FGF13: variants seen among roughly 807,000 people sequenced by gnomAD.
FGF13 encodes the protein fibroblast growth factor homologous factor 2.
In FGF13, 2 loss-of-function variants were observed where a neutral mutation model predicts 19.5. The ratio of observed to expected loss-of-function variants is 0.10; its 90% confidence interval spans 0.04 to 0.32. The LOEUF is 0.32. FGF13 is among the 10% of genes least tolerant of loss of function. The pLI, the probability that FGF13 is intolerant of heterozygous loss-of-function variation, is 1.00. For missense variants in FGF13, 113 were observed against 192.7 expected, an observed-to-expected ratio of 0.59 and a Z score of 2.45; for synonymous variants, 72 against 76.9, an observed-to-expected ratio of 0.94 and a Z score of 0.33.
intron 1 of FGF13, among the ~76,000 whole-genome samples, chrX:139,120,616 C>A (rs182763631): frequency 8.9e-6 from 1 of 112,238 alleles, no homozygotes; most frequent in Admixed American, 9.4e-5. Flanking sequence ...CATTATTAAA[C>A]CACCCACCAG....
At chrX:138,784,012 G>C (rs1163081987) in intron 3 of FGF13, among the ~76,000 whole-genome samples, 1 of 100,161 alleles carries the variant, frequency 1.0e-5, no homozygotes, top group African/African-American at 3.6e-5. Flanking sequence ...CATGTCCTTT[G>C]TAGGGACATG....
intron 1 of FGF13, among the ~76,000 whole-genome samples, chrX:139,012,168 C>T (rs2092131802): frequency 9.0e-6 from 1 of 111,601 alleles, no homozygotes; most frequent in African/African-American, 3.3e-5. Context: ...AGAAAAACTA[C>T]AAAATACTGC....
At chrX:139,107,892 A>G (rs1384994301) in intron 1 of FGF13, among the ~76,000 whole-genome samples, 1 of 107,213 alleles carries the variant, frequency 9.3e-6, no homozygotes, top group African/African-American at 3.4e-5. Flanking sequence ...GTAAAAAAAG[A>G]AAAAAAAAAT....
intron 1 of FGF13, among the ~76,000 whole-genome samples, chrX:139,013,634 G>T (rs939353547): frequency 1.9e-5 from 2 of 106,139 alleles, no homozygotes; most frequent in Non-Finnish European, 3.9e-5. Flanking sequence ...ACTCAGAAAT[G>T]GAAAACCAAA....
At chrX:138,647,922 C>T (rs1204382586) in intron 3 of FGF13, among the ~76,000 whole-genome samples, 1 of 112,113 alleles carries the variant, frequency 8.9e-6, no homozygotes, top group Non-Finnish European at 1.9e-5. Context: ...TAAATTATCC[C>T]TGCAGGGAGC....
intron 1 of FGF13, among the ~76,000 whole-genome samples, chrX:139,124,553 C>T (rs1443492634): frequency 9.0e-6 from 1 of 111,612 alleles, no homozygotes; most frequent in Non-Finnish European, 1.9e-5. Context: ...CTTCTCTCCA[C>T]ATGTGGGCTG....
chrX:138,616,244 C>T lies in FGF13; in HGVS notation c.*16606G>A, dbSNP rs1274336872. 8.9e-6 allele frequency: 1 copy of T among 112,426 alleles called. No homozygotes were observed. Among genetic ancestry groups the T allele is most frequent in the Admixed American group, 9.4e-5 (1 of 10,631 alleles). 9.3% of individuals were successfully genotyped at this position (112,426 alleles called of 1,213,427 possible). ...AAATCTAAAGCAAGTTAGTTATTTC[C>T]AAGATACAATGGGGGTACAGGAATT... On this transcript the variant is annotated 3_prime_UTR_variant, in exon 5 of 5. Transcript: ENST00000315930.
chrX:138,646,880 A>G (rs946966076), intron 3 of FGF13, among the ~76,000 whole-genome samples: 2 of 111,836 alleles, frequency 1.8e-5, no homozygotes, highest in African/African-American at 6.5e-5. Flanking sequence ...CAAAGCGGAG[A>G]AAGACAACAG....
chrX:138,788,790 T>G (rs944606722), intron 3 of FGF13, among the ~76,000 whole-genome samples: 2 of 8,904 alleles, frequency 2.2e-4, no homozygotes, highest in African/African-American at 9.3e-4. Flanking sequence ...CACATTTTGT[T>G]TTTTTTTGCA....
intron 1 of FGF13, among the ~76,000 whole-genome samples, chrX:139,148,642 C>T (rs1223169024): frequency 1.9e-5 from 2 of 103,746 alleles, no homozygotes; most frequent in African/African-American, 7.0e-5. Context: ...CATGAAATAT[C>T]ATGGCAAAGT....
chrX:139,167,565 CA>C (rs746701709), intron 1 of FGF13, among the ~76,000 whole-genome samples: 1 of 111,707 alleles, frequency 9.0e-6, no homozygotes, highest in African/African-American at 3.2e-5. Context: ...CCAACAAAGC[CA>C]AAACATTAAA....
chrX:138,758,424 C>T (rs1217643581), intron 3 of FGF13, among the ~76,000 whole-genome samples: 1 of 111,787 alleles, frequency 8.9e-6, no homozygotes. Context: ...CAGCCAAGAC[C>T]TCAGCAACCG....
intron 1 of FGF13, among the ~76,000 whole-genome samples, chrX:139,036,043 A>C (rs1021121268): frequency 2.7e-5 from 3 of 112,116 alleles, no homozygotes; most frequent in African/African-American, 9.7e-5. Flanking sequence ...AAATGCTTAA[A>C]GATCACAGAG....
chrX:138,954,830 TC>T (rs2091832979), intron 1 of FGF13, among the ~76,000 whole-genome samples: 1 of 111,986 alleles, frequency 8.9e-6, no homozygotes, highest in East Asian at 2.8e-4. Context: ...AAAAATACCG[TC>T]TTTGAGGACC....
rs2089044268 is a variant in FGF13, at chrX:138,624,915, T to C, written c.*7935A>G. 9.0e-6 allele frequency: 1 copy of C among 111,368 alleles called. No homozygotes were observed. Among genetic ancestry groups the C allele is most frequent in the Admixed American group, 9.5e-5 (1 of 10,504 alleles). The allele number at this position is 111,368 out of a possible 1,213,427, so 9.2% of individuals were successfully genotyped here. The stretch of plus-strand genomic sequence containing the variant: ...AGGCAACCTGCAGAATAGGAGAAAA[T>C]ATTTGCAAACCATATTTCTCATAAG... On this transcript the variant is annotated 3_prime_UTR_variant, in exon 5 of 5. Coordinates refer to ENST00000315930, the MANE Select transcript of FGF13 (RefSeq NM_004114.5).
In FGF13 at chrX:138,622,935, T is replaced by A. The variant is rs1342031795; in HGVS notation, c.*9915A>T. The A allele has an allele frequency of 8.9e-6, 1 of 112,332 alleles. No individual in the cohort carries two copies. The highest frequency in any genetic ancestry group is 1.9e-5 in the Non-Finnish European group (1 of 53,233). 9.3% of individuals were successfully genotyped at this position (112,332 alleles called of 1,213,427 possible). On this transcript the variant is annotated 3_prime_UTR_variant, in exon 5 of 5. Transcript: ENST00000315930. ...TGAACAAAGGGATCTGTTCCATTTG[T>A]CTTCTTCAATTACTTTCATCAATAT...
At chrX:138,899,328 G>T (rs962573159) in intron 1 of FGF13, among the ~76,000 whole-genome samples, 2 of 111,091 alleles carry the variant, frequency 1.8e-5, no homozygotes, top group Admixed American at 9.6e-5. Flanking sequence ...TCAATGTCAT[G>T]GTTGTTAAGC....
intron 1 of FGF13, among the ~76,000 whole-genome samples, chrX:138,960,343 A>G (rs987610841): frequency 1.4e-4 from 16 of 111,849 alleles, no homozygotes; most frequent in Non-Finnish European, 2.1e-4. Context: ...AATGTTGAAT[A>G]TTGGCCCCCA....
chrX:139,179,130 C>T (rs767777686), intron 1 of FGF13, among the ~76,000 whole-genome samples: 1 of 111,805 alleles, frequency 8.9e-6, no homozygotes, highest in South Asian at 3.7e-4. Context: ...AACTCTATGG[C>T]CAATATTCCA....
Sources: gnomAD v4.1 joint callset for allele counts (sites outside exome capture counted in the v4.1 genomes callset) on GRCh38, gnomAD v4.1.1 for gene constraint, MANE v1.5 for transcripts, NCBI Gene and HGNC (gene_info 2026-07-23, HGNC 2026-07-21) for gene names.